The following LEF1 variants were observed in gnomAD, a reference collection of about 807,000 sequenced individuals.
LEF1 encodes the protein lymphoid enhancer binding factor 1, also known as lymphoid enhancer-binding factor 1.
A neutral mutation model predicts 51.2 loss-of-function variants in LEF1; 14 were observed. The observed-to-expected ratio is 0.27, with a 90% confidence interval of 0.18 to 0.43. The LOEUF (loss-of-function observed/expected upper bound fraction) is 0.43, where lower values mean the gene tolerates loss of function less well. Among genes scored for constraint, LEF1 ranks in the 20% least tolerant of loss-of-function variants. LEF1 has a pLI of 1.00. For synonymous variants in LEF1, 185 were observed against 183.2 expected (o/e 1.01, Z -0.08); for missense variants, 386 against 512.0 (o/e 0.75, Z 2.37).
At chr4:108,165,243 G>T (rs533863061) in intron 1 of LEF1, 80 bp from the exon 2 acceptor site, 3 of 1,331,652 alleles carry the variant, frequency 2.3e-6, no homozygotes, top group African/African-American at 1.4e-5. Context: ...ATGTGTGTGC[G>T]CTGGTAATTC....
chr4:108,120,782 C>G (rs1473792198), intron 3 of LEF1, among the ~76,000 whole-genome samples: 1 of 152,172 alleles, frequency 6.6e-6, no homozygotes, highest in Admixed American at 6.5e-5. Flanking sequence ...CACCACTGAA[C>G]TCATCAGAAG....
At chr4:108,166,978 A>G (rs1175365307) in intron 1 of LEF1, among the ~76,000 whole-genome samples, 1 of 151,778 alleles carries the variant, frequency 6.6e-6, no homozygotes, top group African/African-American at 2.4e-5. Flanking sequence ...TGCGCGCCCC[A>G]TCGGCCGGCC....
chr4:108,102,476 A>T (rs912631514), intron 3 of LEF1, among the ~76,000 whole-genome samples: 1 of 152,052 alleles, frequency 6.6e-6, no homozygotes, highest in East Asian at 1.9e-4. Context: ...TCTACCACTA[A>T]ATTAACCTTC....
intron 3 of LEF1, among the ~76,000 whole-genome samples, chr4:108,133,529 C>A (rs2110356651): frequency 6.6e-6 from 1 of 152,254 alleles, no homozygotes; most frequent in Non-Finnish European, 1.5e-5. Flanking sequence ...GCTCATCCAC[C>A]TAGGACTAAA....
chr4:108,115,931 C>G (rs1741813011), intron 3 of LEF1, among the ~76,000 whole-genome samples: 1 of 151,892 alleles, frequency 6.6e-6, no homozygotes, highest in Non-Finnish European at 1.5e-5. Flanking sequence ...GTGCCCCTTC[C>G]TCTTTACTGC....
At chr4:108,159,708 A>G (rs900988097) in intron 3 of LEF1, among the ~76,000 whole-genome samples, 3 of 152,372 alleles carry the variant, frequency 2.0e-5, no homozygotes, top group Admixed American at 2.0e-4. Flanking sequence ...TAGGTAAGAC[A>G]AAGTTATAAT....
intron 9 of LEF1, among the ~76,000 whole-genome samples, chr4:108,069,106 C>A (rs1738277484): frequency 6.6e-6 from 1 of 151,974 alleles, no homozygotes; most frequent in African/African-American, 2.4e-5. Context: ...TAAAAGAGAC[C>A]CCAGAGCACT....
intron 3 of LEF1, among the ~76,000 whole-genome samples, chr4:108,149,570 A>C (rs1744230120): frequency 6.6e-6 from 1 of 150,926 alleles, no homozygotes; most frequent in Non-Finnish European, 1.5e-5. Flanking sequence ...GGATAAATCC[A>C]ATAAATTAAA....
At chr4:108,060,914 T>C (rs905710117) in intron 11 of LEF1, among the ~76,000 whole-genome samples, 1 of 152,158 alleles carries the variant, frequency 6.6e-6, no homozygotes, top group African/African-American at 2.4e-5. Flanking sequence ...TCAGCTACTA[T>C]ACAAACAGAA....
At chr4:108,075,394 C>A (rs185213890) in intron 8 of LEF1, 2 of 152,296 alleles carry the variant, frequency 1.3e-5, no homozygotes, top group Non-Finnish European at 2.9e-5. Flanking sequence ...TTATCATCGA[C>A]AATAGCTAAC....
intron 3 of LEF1, among the ~76,000 whole-genome samples, chr4:108,106,571 G>A (rs998807575): frequency 2.2e-4 from 33 of 152,194 alleles, no homozygotes; most frequent in African/African-American, 7.2e-4. Context: ...CACACATTAG[G>A]GTACTTTTGT....
At chr4:108,103,371 C>T (rs979025900) in intron 3 of LEF1, among the ~76,000 whole-genome samples, 3 of 152,210 alleles carry the variant, frequency 2.0e-5, no homozygotes, top group Non-Finnish European at 4.4e-5. Flanking sequence ...GTAAGCTATT[C>T]TTGCATATTC....
chr4:108,103,928 A>G (rs1221505220), intron 3 of LEF1, among the ~76,000 whole-genome samples: 2 of 152,228 alleles, frequency 1.3e-5, no homozygotes, highest in African/African-American at 2.4e-5. Flanking sequence ...CTCCTTCTGA[A>G]AGAATTGAAA....
At chr4:108,067,782 A>C (rs1297726560) in intron 9 of LEF1, among the ~76,000 whole-genome samples, 1 of 151,926 alleles carries the variant, frequency 6.6e-6, no homozygotes, top group Non-Finnish European at 1.5e-5. Flanking sequence ...TGCCTGCCTC[A>C]GCCTTCCAAA....
intron 3 of LEF1, among the ~76,000 whole-genome samples, chr4:108,092,917 TA>T (rs71592104): frequency 0.46 from 14,104 of 30,604 alleles, 1,264 homozygotes; most frequent in East Asian, 0.6. Context: ...AATGAATATG[TA>T]AAAAAAAAAA....
intron 9 of LEF1, among the ~76,000 whole-genome samples, chr4:108,067,917 TG>T (rs1738189198): frequency 6.6e-6 from 1 of 152,090 alleles, no homozygotes; most frequent in South Asian, 2.1e-4. Flanking sequence ...TGGTAATTGC[TG>T]CTCAGAAAAC....
intron 11 of LEF1, among the ~76,000 whole-genome samples, chr4:108,054,440 G>C (rs1010683138): frequency 6.6e-6 from 1 of 152,228 alleles, no homozygotes; most frequent in Non-Finnish European, 1.5e-5. Context: ...CCCTGGACAA[G>C]TGATTATTTT....
chr4:108,116,548 C>T (rs1741852348), intron 3 of LEF1, among the ~76,000 whole-genome samples: 1 of 152,174 alleles, frequency 6.6e-6, no homozygotes, highest in Non-Finnish European at 1.5e-5. Context: ...AAAGAGCCCT[C>T]CGAGTCCACT....
intron 3 of LEF1, among the ~76,000 whole-genome samples, chr4:108,096,793 A>G (rs371405680): frequency 1.1e-3 from 170 of 152,358 alleles, no homozygotes; most frequent in African/African-American, 4.0e-3. Context: ...GTGAATAGAC[A>G]TTTCTCAAAA....
Sources: allele counts gnomAD v4.1 joint callset (sites outside exome capture counted in the v4.1 genomes callset), GRCh38; gene constraint gnomAD v4.1.1; transcripts MANE v1.5; gene names NCBI Gene and HGNC (gene_info 2026-07-23, HGNC 2026-07-21).